Variants in GRK3 observed in about 807,000 individuals in gnomAD.
The protein encoded by GRK3 is G protein-coupled receptor kinase 3.
Under a neutral mutation model 95.7 loss-of-function variants are expected in GRK3, and 54 were observed. The observed-to-expected ratio is 0.56, with a 90% confidence interval of 0.45 to 0.71. GRK3 has a LOEUF of 0.71. GRK3 is among the 30% of genes least tolerant of loss of function. GRK3 has a pLI of 0.00. For missense variants in GRK3, 649 were observed against 851.2 expected, an observed-to-expected ratio of 0.76 and a Z score of 2.96; for synonymous variants, 281 against 290.8, an observed-to-expected ratio of 0.97 and a Z score of 0.34.
chr22:25,617,879 C>A (rs951148879), intron 2 of GRK3, among the ~76,000 whole-genome samples: 3 of 152,110 alleles, frequency 2.0e-5, no homozygotes, highest in African/African-American at 7.2e-5. Context: ...TGGGTTCAAG[C>A]GATTCTCGTA....
In GRK3 at chr22:25,727,200, A is replaced by G. The variant is rs542049636; in HGVS notation, c.*4750A>G. On this transcript the variant is annotated 3_prime_UTR_variant, in exon 21 of 21. Coordinates refer to ENST00000324198, the MANE Select transcript of GRK3 (RefSeq NM_005160.4). The stretch of plus-strand genomic sequence containing the variant: ...TAATTAACCGTTTAAATTTTTTCCT[A>G]AAGATTTAACATGATTTTTCCCTCC... 2 of 152,286 alleles carry G rather than the reference A, an allele frequency of 1.3e-5. No homozygotes were observed. Among genetic ancestry groups the G allele is most frequent in the South Asian group, 4.1e-4 (2 of 4,820 alleles). 9.4% of individuals were successfully genotyped at this position (152,286 alleles called of 1,614,324 possible).
intron 18 of GRK3, among the ~76,000 whole-genome samples, chr22:25,715,999 T>C (rs767480431): frequency 3.9e-5 from 6 of 152,200 alleles, no homozygotes; most frequent in Non-Finnish European, 5.9e-5. Context: ...CTCTTCTTTT[T>C]TTTTCTAGAT....
chr22:25,680,714 CTGTA>C (rs2085067316), intron 9 of GRK3, among the ~76,000 whole-genome samples: 2 of 152,048 alleles, frequency 1.3e-5, no homozygotes, highest in African/African-American at 4.8e-5. Context: ...GATATCAAAA[CTGTA>C]TGGTATTTTT....
chr22:25,641,619 G>C (rs2084743623), intron 2 of GRK3, among the ~76,000 whole-genome samples: 1 of 152,202 alleles, frequency 6.6e-6, no homozygotes, highest in Admixed American at 6.5e-5. Context: ...GCAGGACAGT[G>C]AGAATGAATG....
chr22:25,607,501 T>G (rs1399599827), intron 2 of GRK3, among the ~76,000 whole-genome samples: 1 of 152,080 alleles, frequency 6.6e-6, no homozygotes, highest in Non-Finnish European at 1.5e-5. Flanking sequence ...CCGAAGAAAT[T>G]GGGTCCTGTG....
At chr22:25,649,153 C>T in intron 3 of GRK3, 1 of 1,416,594 alleles carries the variant, frequency 7.1e-7, no homozygotes, top group Non-Finnish European at 1.0e-6. Flanking sequence ...GATGAAAGAC[C>T]AACATTTGAA....
intron 7 of GRK3, among the ~76,000 whole-genome samples, chr22:25,672,983 C>CA: frequency 6.8e-6 from 1 of 147,758 alleles, no homozygotes. Context: ...CATAGGCTTG[C>CA]AATTGGGCAA....
intron 16 of GRK3, among the ~76,000 whole-genome samples, chr22:25,710,378 C>G (rs911916591): frequency 6.6e-6 from 1 of 152,104 alleles, no homozygotes; most frequent in Non-Finnish European, 1.5e-5. Flanking sequence ...CGTGAAACTT[C>G]TGCCATAAAC....
chr22:25,598,568 G>C (rs2084387929), intron 1 of GRK3, among the ~76,000 whole-genome samples: 1 of 151,888 alleles, frequency 6.6e-6, no homozygotes, highest in Admixed American at 6.6e-5. Flanking sequence ...CCAGCTACTT[G>C]AGAGTCTGAG....
At chr22:25,718,503 T>C (rs2085404952) in intron 19 of GRK3, 122 bp downstream of exon 19, 3 of 1,132,954 alleles carry the variant, frequency 2.6e-6, no homozygotes, top group Non-Finnish European at 3.8e-6. Flanking sequence ...ATTTTACTGC[T>C]CTACATGAGA....
At chr22:25,575,370 T>C (rs564291719) in intron 1 of GRK3, among the ~76,000 whole-genome samples, 1 of 152,170 alleles carries the variant, frequency 6.6e-6, no homozygotes, top group East Asian at 1.9e-4. Flanking sequence ...TTTGAAGTGC[T>C]CAGTGGTGCT....
chr22:25,594,243 G>C (rs916304548), intron 1 of GRK3, among the ~76,000 whole-genome samples: 1 of 152,116 alleles, frequency 6.6e-6, no homozygotes, highest in African/African-American at 2.4e-5. Context: ...AGCATGGAAC[G>C]TTCTTCCATT....
At chr22:25,679,675 C>T (rs1006856162) in intron 9 of GRK3, among the ~76,000 whole-genome samples, 8 of 152,132 alleles carry the variant, frequency 5.3e-5, no homozygotes, top group South Asian at 2.1e-4. Flanking sequence ...CCTGTTACAG[C>T]GTGTGTGCAC....
intron 12 of GRK3, among the ~76,000 whole-genome samples, chr22:25,693,574 G>A (rs1011815039): frequency 5.3e-5 from 8 of 152,064 alleles, no homozygotes; most frequent in Non-Finnish European, 1.0e-4. Flanking sequence ...TCAAACTTTA[G>A]GTTCGGGCTG....
rs995711911 is a variant in GRK3, at chr22:25,726,324, T to G, written c.*3874T>G. 1 of 152,256 alleles carries G rather than the reference T, an allele frequency of 6.6e-6. No individual in the cohort carries two copies. The highest frequency in any genetic ancestry group is 1.5e-5 in the Non-Finnish European group (1 of 68,044). The allele number at this position is 152,256 out of a possible 1,614,324, so 9.4% of individuals were successfully genotyped here. ...TTAACATATCAAGAAGAAAACAACG[T>G]TCTCAAAGTCTGGCCTCTTTAGCAT... is the stretch of plus-strand genomic sequence containing the variant. On this transcript the variant is annotated 3_prime_UTR_variant, in exon 21 of 21. Transcript: ENST00000324198.
chr22:25,604,334 A>G (rs1268252956), intron 1 of GRK3, 43 bp from the exon 2 acceptor site: 1 of 1,437,064 alleles, frequency 7.0e-7, no homozygotes, highest in East Asian at 2.3e-5. Flanking sequence ...GTTACTCACG[A>G]TGTAGGCTGT....
intron 20 of GRK3, among the ~76,000 whole-genome samples, 155 bp downstream of exon 20, chr22:25,721,552 T>C (rs1568943313): frequency 6.6e-6 from 1 of 152,220 alleles, no homozygotes. Flanking sequence ...AAATTCATCG[T>C]GATTTTTTAA....
In GRK3 at chr22:25,641,343, T is replaced by C. The variant is rs530149350; in HGVS notation, c.191-3249T>C. ...CTCTTCCTTCCTCCTTTCCCCCGAC[T>C]TCCCTCCCTCTCCTTGTACCTTTGC... On this transcript the variant is annotated intron_variant, in intron 2 of 20. Transcript: ENST00000324198. Among the ~76,000 whole-genome samples the C allele has an allele frequency of 9.2e-5, 14 of 152,236 alleles. No individual in the cohort carries two copies. In the South Asian group the frequency reaches 2.5e-3, roughly 27 times the overall value.
intron 16 of GRK3, among the ~76,000 whole-genome samples, chr22:25,710,828 G>A (rs1397326461): frequency 1.3e-5 from 2 of 152,190 alleles, no homozygotes; most frequent in Non-Finnish European, 2.9e-5. Flanking sequence ...ATTATTGAAG[G>A]CTTTGGACAT....
Sources: allele counts gnomAD v4.1 joint callset (sites outside exome capture counted in the v4.1 genomes callset), GRCh38; gene constraint gnomAD v4.1.1; transcripts MANE v1.5; gene names NCBI Gene and HGNC (gene_info 2026-07-23, HGNC 2026-07-21).